TFEC: variants seen among roughly 807,000 people sequenced by gnomAD.
The protein encoded by TFEC is transcription factor EC.
Under a neutral mutation model 41.6 loss-of-function variants are expected in TFEC, and 31 were observed. That is an observed-to-expected ratio of 0.74 (90% CI 0.56 to 1.01). The LOEUF is 1.01. TFEC is among the 50% of genes least tolerant of loss of function. TFEC has a pLI of 0.00. For synonymous variants in TFEC, 143 were observed against 140.6 expected, an observed-to-expected ratio of 1.02 and a Z score of -0.12; for missense variants, 402 against 404.1, an observed-to-expected ratio of 0.99 and a Z score of 0.04.
At position 115,936,616 on chromosome 7, in the gene TFEC, C is replaced by T. The variant is rs1009322413; in HGVS notation, c.*3935G>A. On this transcript the variant is annotated 3_prime_UTR_variant, in exon 8 of 8. Transcript: ENST00000265440. ...ACAGGAAAAAAGTGTTTCCATGATG[C>T]CTTGAAGTATAAGAAAATTCCTATA... 2 of 151,418 alleles carry T rather than the reference C, an allele frequency of 1.3e-5. No individual in the cohort carries two copies. Among genetic ancestry groups the T allele is most frequent in the Non-Finnish European group, 3.0e-5 (2 of 67,592 alleles). 9.4% of individuals were successfully genotyped at this position (151,418 alleles called of 1,614,324 possible).
At chr7:115,973,572 T>C (rs1408989995) in intron 3 of TFEC, among the ~76,000 whole-genome samples, 1 of 151,886 alleles carries the variant, frequency 6.6e-6, no homozygotes, top group Admixed American at 6.6e-5. Flanking sequence ...AGAAGGCGCA[T>C]AGCAAGCAAA....
chr7:116,063,653 T>TA (rs1383761647), intron 3 of TFEC, among the ~76,000 whole-genome samples: 1 of 152,090 alleles, frequency 6.6e-6, no homozygotes. Flanking sequence ...TGATGATGGA[T>TA]ATATTTACTA....
At chr7:116,110,098 G>T (rs1437464415) in intron 3 of TFEC, among the ~76,000 whole-genome samples, 1 of 152,136 alleles carries the variant, frequency 6.6e-6, no homozygotes, top group African/African-American at 2.4e-5. Context: ...AAGGGGGAGG[G>T]ATAGCATTAG....
chr7:116,094,355 G>T (rs1797398608), intron 3 of TFEC, among the ~76,000 whole-genome samples: 1 of 152,182 alleles, frequency 6.6e-6, no homozygotes, highest in Admixed American at 6.5e-5. Flanking sequence ...GTACTACCAT[G>T]TAATGACAAA....
At chr7:116,126,882 T>C (rs1679961353) in intron 1 of TFEC, among the ~76,000 whole-genome samples, 1 of 152,002 alleles carries the variant, frequency 6.6e-6, no homozygotes, top group Non-Finnish European at 1.5e-5. Context: ...TGTCCAGATA[T>C]TGGGACAAGA....
chr7:116,011,194 A>G (rs969282027), intron 1 of TFEC, among the ~76,000 whole-genome samples: 16 of 152,200 alleles, frequency 1.1e-4, no homozygotes, highest in Non-Finnish European at 1.8e-4. Context: ...ATGTTGCACC[A>G]TATTACTTTT....
rs1027241942 is a variant in TFEC, at chr7:115,938,681, G to A, written c.*1870C>T. On this transcript the variant is annotated 3_prime_UTR_variant, in exon 8 of 8. Coordinates refer to ENST00000265440, the MANE Select transcript of TFEC (RefSeq NM_012252.4). The stretch of plus-strand genomic sequence containing the variant: ...TTTCATAGTGACATATTTTCCATGT[G>A]AGAAGCAACTAAAAGATCCTTTCAA... 1.3e-5 allele frequency: 2 copies of A among 151,792 alleles called. No homozygotes were observed. 9.4% of individuals were successfully genotyped at this position (151,792 alleles called of 1,614,324 possible). A position where few individuals can be genotyped will look rare whatever the true frequency, so the allele number is the denominator to read the frequency against.
intron 6 of TFEC, among the ~76,000 whole-genome samples, chr7:115,943,553 A>T (rs1370459217): frequency 6.7e-6 from 1 of 149,754 alleles, no homozygotes; most frequent in Non-Finnish European, 1.5e-5. Flanking sequence ...GTCACTTACA[A>T]TAATTTTTTT....
At chr7:116,142,327 A>C (rs1798557620) in intron 1 of TFEC, among the ~76,000 whole-genome samples, 1 of 152,226 alleles carries the variant, frequency 6.6e-6, no homozygotes, top group Admixed American at 6.5e-5. Flanking sequence ...TCATATTTGA[A>C]GTGATGGATT....
intron 3 of TFEC, among the ~76,000 whole-genome samples, chr7:116,058,565 C>T (rs1481864634): frequency 6.6e-6 from 1 of 151,628 alleles, no homozygotes; most frequent in Non-Finnish European, 1.5e-5. Flanking sequence ...TTATAGAGCA[C>T]TTCACCCAAC....
intron 3 of TFEC, among the ~76,000 whole-genome samples, chr7:115,962,749 G>T (rs1273118503): frequency 2.0e-5 from 3 of 151,772 alleles, no homozygotes; most frequent in Non-Finnish European, 4.4e-5. Context: ...CTCACAGGGG[G>T]AGAAGCTACT....
chr7:116,115,720 T>C (rs937783344), intron 1 of TFEC, among the ~76,000 whole-genome samples: 3 of 151,988 alleles, frequency 2.0e-5, no homozygotes, highest in African/African-American at 7.2e-5. Context: ...TGGGCATATC[T>C]GGGGGTTCAT....
At chr7:116,134,647 T>C (rs1285050993) in intron 1 of TFEC, among the ~76,000 whole-genome samples, 2 of 152,204 alleles carry the variant, frequency 1.3e-5, no homozygotes, top group Non-Finnish European at 2.9e-5. Flanking sequence ...TGAGCATTGC[T>C]ATACGAAAAA....
intron 1 of TFEC, among the ~76,000 whole-genome samples, chr7:116,005,100 A>C (rs1794738868): frequency 6.6e-6 from 1 of 152,182 alleles, no homozygotes; most frequent in Non-Finnish European, 1.5e-5. Context: ...AAGTTGATTA[A>C]ACCTCTTTCT....
At position 115,984,255 on chromosome 7, in the gene TFEC, G is replaced by T. The variant is rs750703682; in HGVS notation, c.180+7C>A. The stretch of plus-strand genomic sequence containing the variant: ...GATATATTTTTATAACCAGCCATTA[G>T]ACATACATGCCATTGTGCATTGTCA... On this transcript the variant is annotated splice_region_variant and intron_variant, in intron 2 of 7. Coordinates refer to ENST00000265440, the MANE Select transcript of TFEC (RefSeq NM_012252.4). 1 of 1,610,262 alleles carries T rather than the reference G, an allele frequency of 6.2e-7. No homozygotes were observed. The highest frequency in any genetic ancestry group is 8.5e-7 in the Non-Finnish European group (1 of 1,176,908).
Position 116,075,667 on chromosome 7 carries a change from C to T in TFEC, c.198+35041G>A, listed in dbSNP as rs555123283. On this transcript the variant is annotated intron_variant, in intron 3 of 8. Coordinates refer to the TFEC transcript ENST00000484212. ...GACTCAGCAAAGGCAGCCATAACCC[C>T]TAGGAACATAATTCCATTTTCCTGG... 2.4e-3 allele frequency among the ~76,000 whole-genome samples: 361 copies of T among 152,208 alleles called. 3 individuals are homozygous for T. The highest frequency in any genetic ancestry group is 8.3e-3 in the African/African-American group (345 of 41,536).
intron 6 of TFEC, among the ~76,000 whole-genome samples, chr7:115,946,479 G>A (rs778827173): frequency 1.1e-4 from 16 of 149,768 alleles, no homozygotes; most frequent in East Asian, 2.0e-4. Flanking sequence ...GCAGTGGTGC[G>A]ATCATGGCTC....
At chr7:116,144,588 G>A (rs1006559368) in intron 1 of TFEC, among the ~76,000 whole-genome samples, 2 of 151,950 alleles carry the variant, frequency 1.3e-5, no homozygotes, top group Admixed American at 6.6e-5. Flanking sequence ...GGGTTCAAAC[G>A]CTCCTCCCAC....
At chr7:115,952,580 G>C (rs1410671404) in intron 5 of TFEC, among the ~76,000 whole-genome samples, 2 of 151,980 alleles carry the variant, frequency 1.3e-5, no homozygotes, top group East Asian at 1.9e-4. Flanking sequence ...ATCTGATGTA[G>C]AATGTCAGAA....
Sources: allele counts gnomAD v4.1 joint callset (sites outside exome capture counted in the v4.1 genomes callset), GRCh38; gene constraint gnomAD v4.1.1; transcripts MANE v1.5; gene names NCBI Gene and HGNC (gene_info 2026-07-23, HGNC 2026-07-21).